RORA: variants seen among roughly 807,000 people sequenced by gnomAD.
The protein encoded by RORA is nuclear receptor ROR-alpha.
Under a neutral mutation model 69.5 loss-of-function variants are expected in RORA, and 7 were observed. The ratio of observed to expected loss-of-function variants is 0.10; its 90% CI spans 0.06 to 0.19. The LOEUF is 0.19. Ranked by LOEUF, RORA falls within the 10% of genes least tolerant of loss-of-function variation. The probability of loss-of-function intolerance (pLI) is 1.00; values close to 1 mark genes in which losing one functional copy is unlikely to be tolerated. For missense variants in RORA, 457 were observed against 663.0 expected (o/e 0.69, Z 3.41); for synonymous variants, 261 against 240.8 (o/e 1.08, Z -0.78).
intron 1 of RORA, among the ~76,000 whole-genome samples, chr15:60,725,498 T>C (rs2071345196): frequency 6.6e-6 from 1 of 152,222 alleles, no homozygotes; most frequent in Non-Finnish European, 1.5e-5. Context: ...GATACAGGCA[T>C]GCAATAAGTA....
intron 2 of RORA, chr15:60,592,719 G>A (rs2068570051): frequency 2.9e-6 from 3 of 1,044,514 alleles, no homozygotes; most frequent in Non-Finnish European, 3.5e-6. Context: ...TAGCAGCGGC[G>A]GCTCTGCTGG....
In RORA at chr15:60,931,474, A is replaced by G. The variant is rs559214398; in HGVS notation, c.167-252788T>C. On this transcript the variant is annotated intron_variant, in intron 1 of 10. Transcript: ENST00000335670. ...TCAGCTTCCAGAGCTAAGCCCTGCC[A>G]ATCTCCCAGACTCCTGCAGTCTTTC... Among the ~76,000 whole-genome samples the G allele has an allele frequency of 8.5e-5, 13 of 152,382 alleles. No individual in the cohort carries two copies. In the East Asian group the frequency reaches 2.5e-3, roughly 29 times the overall value.
chr15:60,910,249 C>G (rs1891665369), intron 1 of RORA, among the ~76,000 whole-genome samples: 2 of 152,184 alleles, frequency 1.3e-5, no homozygotes, highest in African/African-American at 4.8e-5. Context: ...GGGGAAATGT[C>G]AATGTTGACA....
chr15:60,945,337 G>A (rs977858141), intron 1 of RORA, among the ~76,000 whole-genome samples: 1 of 152,176 alleles, frequency 6.6e-6, no homozygotes, highest in Non-Finnish European at 1.5e-5. Flanking sequence ...AAGGCACAGT[G>A]CTGGCTTCTT....
chr15:60,595,421 A>C (rs573981110), intron 2 of RORA, among the ~76,000 whole-genome samples: 2 of 152,102 alleles, frequency 1.3e-5, no homozygotes, highest in Non-Finnish European at 2.9e-5. Flanking sequence ...AGGCTGAGGC[A>C]TAAGAATTAC....
rs150881743 is a variant in RORA, at chr15:60,876,939, A to C, written c.167-198253T>G. ...GGACACGTAGACGGGAACAACACAC[A>C]CTGGGGCCTTTCAGACGGTGGAGGG... On this transcript the variant is annotated intron_variant, in intron 1 of 10. Coordinates refer to ENST00000335670, the MANE Select transcript of RORA (RefSeq NM_134261.3). 3.3e-5 allele frequency among the ~76,000 whole-genome samples: 5 copies of C among 152,260 alleles called. No individual in the cohort carries two copies. In the East Asian group the frequency reaches 9.6e-4, roughly 29 times the overall value.
chr15:60,719,819 A>T (rs1449107962), intron 1 of RORA, among the ~76,000 whole-genome samples: 2 of 152,154 alleles, frequency 1.3e-5, no homozygotes, highest in Non-Finnish European at 2.9e-5. Flanking sequence ...GGGTTGGTGG[A>T]GGTGCTTGGG....
chr15:60,874,183 T>C (rs956103358), intron 1 of RORA, among the ~76,000 whole-genome samples: 34 of 152,216 alleles, frequency 2.2e-4, no homozygotes, highest in Non-Finnish European at 4.4e-4. Flanking sequence ...TTAAATTTTA[T>C]GGGTTTTGTT....
At position 60,698,373 on chromosome 15, in the gene RORA, C is replaced by G. The variant is rs192167521; in HGVS notation, c.167-19687G>C. ...GCCGACCACTCCCTAGCCTGCCCCT[C>G]GTTGACATGGCACTGTGAAAGCACT... On this transcript the variant is annotated intron_variant, in intron 1 of 10. Transcript: ENST00000335670. Among the ~76,000 whole-genome samples the G allele has an allele frequency of 2.6e-5, 4 of 152,256 alleles. No homozygotes were observed. The East Asian group carries it at 7.7e-4, about 29-fold the overall frequency.
intron 2 of RORA, among the ~76,000 whole-genome samples, chr15:60,633,044 ACTCT>A (rs1459866421): frequency 1.3e-5 from 2 of 152,126 alleles, no homozygotes; most frequent in Non-Finnish European, 2.9e-5. Context: ...TAGGAAGGAC[ACTCT>A]CTTCTTTATT....
intron 1 of RORA, among the ~76,000 whole-genome samples, chr15:60,829,926 C>G (rs2073019676): frequency 6.6e-6 from 1 of 152,206 alleles, no homozygotes; most frequent in African/African-American, 2.4e-5. Flanking sequence ...CTAGGCTTTA[C>G]TTAGTTTAGC....
rs572158111 is a variant in RORA, at chr15:60,748,295, C to G, written c.167-69609G>C. On this transcript the variant is annotated intron_variant, in intron 1 of 10. Coordinates refer to ENST00000335670, the MANE Select transcript of RORA (RefSeq NM_134261.3). ...TGAAAAAAGTAGTCCTAAGCCAATACTGATATAATTAGCGAAAAAAAAAAA... is the reference window on the plus strand; with the variant it reads ...TGAAAAAAGTAGTCCTAAGCCAATAGTGATATAATTAGCGAAAAAAAAAAA... Among the ~76,000 whole-genome samples the G allele has an allele frequency of 9.3e-5, 12 of 128,816 alleles. No homozygotes were observed. The South Asian group carries it at 3.1e-3, about 34-fold the overall frequency. The allele number at this position is 128,816 out of a possible 152,430, so 84.5% of individuals were successfully genotyped here. A position where few individuals can be genotyped will look rare whatever the true frequency, so the allele number is the denominator to read the frequency against.
chr15:60,880,004 G>T (rs760252927), intron 1 of RORA, among the ~76,000 whole-genome samples: 9 of 152,158 alleles, frequency 5.9e-5, no homozygotes, highest in Non-Finnish European at 1.2e-4. Flanking sequence ...CTGTAAGCAT[G>T]CTTTGAAGAA....
chr15:61,022,518 C>T (rs556641134), intron 1 of RORA, among the ~76,000 whole-genome samples: 1 of 152,134 alleles, frequency 6.6e-6, no homozygotes, highest in East Asian at 1.9e-4. Context: ...GTTTTCATGC[C>T]AGTATTTTCA....
chr15:60,528,479 T>G (rs374301209), intron 3 of RORA: 19 of 152,320 alleles, frequency 1.2e-4, no homozygotes, highest in African/African-American at 4.6e-4. Context: ...CATAAACTGC[T>G]TGAGGGAAAG....
At chr15:60,512,843 G>A (rs1440460631) in intron 4 of RORA, among the ~76,000 whole-genome samples, 1 of 152,124 alleles carries the variant, frequency 6.6e-6, no homozygotes, top group Non-Finnish European at 1.5e-5. Flanking sequence ...CAAGATAACT[G>A]AAAACAAAAA....
At chr15:60,669,563 A>G (rs1056609240) in intron 2 of RORA, among the ~76,000 whole-genome samples, 4 of 152,096 alleles carry the variant, frequency 2.6e-5, no homozygotes, top group Non-Finnish European at 5.9e-5. Context: ...GTGGCTCCAC[A>G]TTGGTTATGA....
At chr15:60,543,673 G>T (rs763285836) in intron 2 of RORA, among the ~76,000 whole-genome samples, 1 of 151,842 alleles carries the variant, frequency 6.6e-6, no homozygotes, top group Non-Finnish European at 1.5e-5. Context: ...GTAGAGATGG[G>T]GTTTCACCAT....
At chr15:60,685,565 C>G (rs1211094484) in intron 1 of RORA, among the ~76,000 whole-genome samples, 46 of 152,210 alleles carry the variant, frequency 3.0e-4, no homozygotes, top group Admixed American at 3.0e-3. Context: ...CGGAACACAG[C>G]CCGAGTAGGG....
Sources: gnomAD v4.1 joint callset for allele counts (sites outside exome capture counted in the v4.1 genomes callset) on GRCh38, gnomAD v4.1.1 for gene constraint, MANE v1.5 for transcripts, NCBI Gene and HGNC (gene_info 2026-07-23, HGNC 2026-07-21) for gene names.